Variants in PCDH15 observed in about 807,000 individuals in gnomAD.
PCDH15 encodes protocadherin related 15.
In PCDH15, 129 loss-of-function variants were observed where a neutral mutation model predicts 178.5. That is an observed-to-expected ratio of 0.72 (90% confidence interval 0.63 to 0.84). PCDH15 has a LOEUF of 0.84. Ranked by LOEUF, PCDH15 falls within the 40% of genes least tolerant of loss-of-function variation. PCDH15 has a pLI of 0.00. For missense variants in PCDH15, 2,230 were observed against 2,099.9 expected (o/e 1.06, Z -1.21); for synonymous variants, 800 against 732.0 (o/e 1.09, Z -1.50).
chr10:53,879,347 A>T (rs2080520771), intron 26 of PCDH15, among the ~76,000 whole-genome samples: 1 of 152,202 alleles, frequency 6.6e-6, no homozygotes, highest in Admixed American at 6.5e-5. Flanking sequence ...AAGCAAAAGC[A>T]CTTAAATAGA....
At position 54,199,650 on chromosome 10, in the gene PCDH15, T is replaced by G. The variant is rs7358247; in HGVS notation, c.1099-3761A>C. 4.6e-3 allele frequency among the ~76,000 whole-genome samples: 693 copies of G among 151,582 alleles called. 3 individuals carry two copies. The highest frequency in any genetic ancestry group is 0.016 in the African/African-American group (657 of 41,420). ...ATCAAAACTCTGATACAATTATCTT[T>G]TCTTCCATACAATATAAATAAGGGT... On this transcript the variant is annotated intron_variant, in intron 10 of 37. Coordinates refer to ENST00000644397, the MANE Select transcript of PCDH15 (RefSeq NM_001384140.1).
At chr10:54,526,880 T>C (rs1439103875) in intron 3 of PCDH15, among the ~76,000 whole-genome samples, 3 of 152,156 alleles carry the variant, frequency 2.0e-5, no homozygotes, top group Non-Finnish European at 2.9e-5. Context: ...GAATTGCCTA[T>C]ACAGGTTTCC....
At chr10:54,482,610 G>C (rs944916994) in intron 3 of PCDH15, among the ~76,000 whole-genome samples, 1 of 151,628 alleles carries the variant, frequency 6.6e-6, no homozygotes, top group Non-Finnish European at 1.5e-5. Flanking sequence ...AAGGTACCAG[G>C]TACCTTAGCA....
intron 13 of PCDH15, among the ~76,000 whole-genome samples, chr10:54,169,044 T>G (rs1321661954): frequency 6.6e-6 from 1 of 152,294 alleles, no homozygotes; most frequent in East Asian, 1.9e-4. Context: ...GCAGGAAATC[T>G]GGCCACTGGG....
chr10:55,321,074 T>A (rs1843885723), upstream of PCDH15, among the ~76,000 whole-genome samples: 1 of 146,710 alleles, frequency 6.8e-6, no homozygotes, highest in Non-Finnish European at 1.5e-5. Flanking sequence ...AAAGATGAAA[T>A]GGCCATTGAA....
In PCDH15 at chr10:54,573,262, AAT is replaced by A. The variant is rs2090054020; in HGVS notation, c.92-45387_92-45386del. Among the ~76,000 whole-genome samples, 3 of 152,252 alleles carry A rather than the reference AAT, an allele frequency of 2.0e-5. No individual in the cohort carries two copies. The South Asian group carries it at 6.2e-4, about 32-fold the overall frequency. On this transcript the variant is annotated intron_variant, in intron 2 of 37. Coordinates refer to ENST00000644397, the MANE Select transcript of PCDH15 (RefSeq NM_001384140.1). Reference sequence around the variant, plus strand: ...CCATAGCATTAGTTTAGTAAAAAACAATATGTCTTGTTTCTCCTTTATTTTTC... The same window carrying A: ...CCATAGCATTAGTTTAGTAAAAAACAATGTCTTGTTTCTCCTTTATTTTTC...
intron 2 of PCDH15, among the ~76,000 whole-genome samples, chr10:54,649,903 A>G (rs2094215882): frequency 6.6e-6 from 1 of 152,098 alleles, no homozygotes; most frequent in Non-Finnish European, 1.5e-5. Flanking sequence ...AAAGCTCACC[A>G]ACTTGCCCTT....
chr10:54,207,943 T>G (rs967176248), intron 10 of PCDH15, among the ~76,000 whole-genome samples: 1 of 151,970 alleles, frequency 6.6e-6, no homozygotes, highest in African/African-American at 2.4e-5. Flanking sequence ...ATATAGAGAG[T>G]CTCGTGGAAT....
intron 3 of PCDH15, among the ~76,000 whole-genome samples, chr10:54,442,327 G>T (rs2075838254): frequency 7.0e-6 from 1 of 142,420 alleles, no homozygotes; most frequent in Admixed American, 7.2e-5. Context: ...AATTCATAAA[G>T]TGTTGGTTAT....
chr10:55,505,311 A>T (rs190759883), intron 2 of PCDH15, among the ~76,000 whole-genome samples: 187 of 151,488 alleles, frequency 1.2e-3, no homozygotes, highest in African/African-American at 4.1e-3. Context: ...GATCTTAGAT[A>T]TTTATTATTG....
chr10:54,833,419 C>T (rs1953260104), intron 3 of PCDH15, among the ~76,000 whole-genome samples: 1 of 152,144 alleles, frequency 6.6e-6, no homozygotes, highest in South Asian at 2.1e-4. Flanking sequence ...GGATCACCCT[C>T]CATGGCATGG....
At chr10:55,049,553 C>T (rs1841106073) in intron 2 of PCDH15, among the ~76,000 whole-genome samples, 1 of 151,722 alleles carries the variant, frequency 6.6e-6, no homozygotes, top group Non-Finnish European at 1.5e-5. Flanking sequence ...CTGAGAAAAA[C>T]ATGAATAGAG....
intron 2 of PCDH15, among the ~76,000 whole-genome samples, chr10:55,553,257 C>T (rs1842033130): frequency 6.7e-6 from 1 of 150,238 alleles, no homozygotes; most frequent in African/African-American, 2.4e-5. Context: ...TTGTGTGGTT[C>T]ACCTCTGGAT....
chr10:54,516,896 G>T (rs1239853911), intron 3 of PCDH15, among the ~76,000 whole-genome samples: 1 of 152,046 alleles, frequency 6.6e-6, no homozygotes, highest in Admixed American at 6.6e-5. Flanking sequence ...AGAGAGTGGG[G>T]GCCAATATTC....
chr10:55,454,698 C>G (rs7090423), intron 2 of PCDH15, among the ~76,000 whole-genome samples: 1 of 147,224 alleles, frequency 6.8e-6, no homozygotes, highest in East Asian at 2.0e-4. Context: ...GGCAGGAGAA[C>G]GGTATGAACC....
chr10:53,911,789 G>A (rs899060953), intron 25 of PCDH15, among the ~76,000 whole-genome samples: 8 of 152,156 alleles, frequency 5.3e-5, no homozygotes, highest in Admixed American at 4.6e-4. Flanking sequence ...CTCTGAAATT[G>A]AGGCAATAAT....
intron 3 of PCDH15, among the ~76,000 whole-genome samples, chr10:54,819,913 T>G (rs1953008791): frequency 6.6e-6 from 1 of 152,086 alleles, no homozygotes; most frequent in African/African-American, 2.4e-5. Context: ...TTCTCTTTCT[T>G]GTAGTTTATT....
chr10:54,413,889 G>T (rs1391055565), intron 3 of PCDH15, among the ~76,000 whole-genome samples: 1 of 152,014 alleles, frequency 6.6e-6, no homozygotes. Context: ...TGGGAGGAGG[G>T]TACTGGATGA....
intron 8 of PCDH15, among the ~76,000 whole-genome samples, chr10:54,292,223 C>T (rs2059462388): frequency 6.6e-6 from 1 of 152,162 alleles, no homozygotes; most frequent in South Asian, 2.1e-4. Context: ...ACAAAAACCA[C>T]ATGATTATCT....
Sources: allele counts gnomAD v4.1 joint callset (sites outside exome capture counted in the v4.1 genomes callset), GRCh38; gene constraint gnomAD v4.1.1; transcripts MANE v1.5; gene names NCBI Gene and HGNC (gene_info 2026-07-23, HGNC 2026-07-21).